ATRN: variants seen among roughly 807,000 people sequenced by gnomAD.
ATRN encodes attractin, also known as attractin-2.
A neutral mutation model predicts 178.7 loss-of-function variants in ATRN; 54 were observed. The ratio of observed to expected loss-of-function variants is 0.30; its 90% CI spans 0.24 to 0.38. The LOEUF (loss-of-function observed/expected upper bound fraction) is 0.38. Ranked by LOEUF, ATRN falls within the 10% of genes least tolerant of loss-of-function variation. The pLI is 1.00. For synonymous variants in ATRN, 636 were observed against 663.0 expected (o/e 0.96, Z 0.63); for missense variants, 1,443 against 1,815.1 (o/e 0.79, Z 3.73).
rs914975082 is a variant in ATRN, at chr20:3,645,586, T to C, written c.4166-1137T>C. Among the ~76,000 whole-genome samples the C allele has an allele frequency of 6.6e-6, 1 of 152,176 alleles. No individual in the cohort carries two copies. The highest frequency in any genetic ancestry group is 2.4e-5 in the African/African-American group (1 of 41,450). The stretch of plus-strand genomic sequence containing the variant: ...TTCCTGCTCCAGCCTTTGCCTGACA[T>C]GCCCCAACCACCTGAAACACCTAAT... On this transcript the variant is annotated intron_variant, in intron 28 of 28. Transcript: ENST00000262919. This position sits in a 1 kb window ranked among gnomAD's most constrained non-coding sequence, Gnocchi z 4.7.
At chr20:3,498,407 G>T (rs1040552321) in intron 1 of ATRN, among the ~76,000 whole-genome samples, 1 of 152,110 alleles carries the variant, frequency 6.6e-6, no homozygotes, top group Non-Finnish European at 1.5e-5. Flanking sequence ...CAATATCCTT[G>T]ATAAACATTG....
intron 23 of ATRN, among the ~76,000 whole-genome samples, chr20:3,601,721 A>T (rs1046730401): frequency 1.4e-5 from 2 of 144,314 alleles, no homozygotes; most frequent in Non-Finnish European, 3.0e-5. Flanking sequence ...AAAAAAACCC[A>T]GGTGTAGTGA....
chr20:3,636,336 A>G (rs1452074034), intron 26 of ATRN, among the ~76,000 whole-genome samples: 2 of 152,210 alleles, frequency 1.3e-5, no homozygotes, highest in African/African-American at 4.8e-5. Context: ...ATTAGAATAT[A>G]TCATGTCAAA....
intron 4 of ATRN, among the ~76,000 whole-genome samples, chr20:3,546,221 A>G (rs1176320589): frequency 6.6e-6 from 1 of 152,204 alleles, no homozygotes; most frequent in Non-Finnish European, 1.5e-5. Flanking sequence ...TTTACAAAGT[A>G]CAGCTCCACA....
At chr20:3,471,987 G>C (rs2084435179) in intron 1 of ATRN, among the ~76,000 whole-genome samples, 1 of 152,168 alleles carries the variant, frequency 6.6e-6, no homozygotes, top group African/African-American at 2.4e-5. Flanking sequence ...GAAATGCTTT[G>C]TTGGCTGGAG....
At chr20:3,471,869 A>T (rs1361767478) in intron 1 of ATRN, among the ~76,000 whole-genome samples, 2 of 152,192 alleles carry the variant, frequency 1.3e-5, no homozygotes, top group African/African-American at 4.8e-5. Context: ...AAGGTGGTCG[A>T]GCCAGGTTTG....
At chr20:3,568,289 CAAA>C (rs753556911) in intron 11 of ATRN, among the ~76,000 whole-genome samples, 3 of 118,476 alleles carry the variant, frequency 2.5e-5, no homozygotes, top group Admixed American at 1.7e-4. Flanking sequence ...GAGACTGTGT[CAAA>C]AAAAAAAAAA....
chr20:3,573,167 G>C (rs973014667), intron 12 of ATRN, among the ~76,000 whole-genome samples: 35 of 152,282 alleles, frequency 2.3e-4, no homozygotes, highest in Non-Finnish European at 4.0e-4. Flanking sequence ...GTCTGCGAGT[G>C]ATAGAGACAT....
intron 1 of ATRN, among the ~76,000 whole-genome samples, chr20:3,500,412 A>G (rs922556256): frequency 1.3e-5 from 2 of 152,092 alleles, no homozygotes; most frequent in African/African-American, 2.4e-5. Context: ...CACTATTCAC[A>G]ATAGCAAAGA....
intron 1 of ATRN, among the ~76,000 whole-genome samples, chr20:3,507,430 C>G (rs1345031162): frequency 6.7e-6 from 1 of 149,776 alleles, no homozygotes; most frequent in African/African-American, 2.5e-5. Context: ...AAATTGGAGT[C>G]AAAAAATGGC....
At chr20:3,545,915 G>C in intron 4 of ATRN, 25 bp downstream of exon 4, 1 of 1,608,404 alleles carries the variant, frequency 6.2e-7, no homozygotes, top group East Asian at 2.2e-5. Context: ...TCTAGTATTT[G>C]TGATTTCATT....
rs1307722255 is a variant in ATRN, at chr20:3,630,964, T to TTTTTTTTTTTTTTTTTTTTG, written c.3864-3347_3864-3346insTTTTTTTTTTTTTTTTTTTG. ...TTTTTTTTTTTTTTTTTTTTTTTTT[T>TTTTTTTTTTTTTTTTTTTTG]GGGATAGGGTCTCTGTTGCCCAGGC... On this transcript the variant is annotated intron_variant, in intron 25 of 28. Transcript: ENST00000262919. Among the ~76,000 whole-genome samples, 3 of 73,430 alleles carry TTTTTTTTTTTTTTTTTTTTG rather than the reference T, an allele frequency of 4.1e-5. 1 individual carries two copies. The highest frequency in any genetic ancestry group is 7.5e-5 in the Non-Finnish European group (3 of 39,838). The allele number at this position is 73,430 out of a possible 152,430, so 48.2% of individuals were successfully genotyped here. A position where few individuals can be genotyped will look rare whatever the true frequency, so the allele number is the denominator to read the frequency against.
chr20:3,629,761 C>G (rs1030814588), intron 25 of ATRN, among the ~76,000 whole-genome samples: 5 of 152,140 alleles, frequency 3.3e-5, no homozygotes, highest in African/African-American at 4.8e-5. Flanking sequence ...GAGCACTATA[C>G]GTAGAATTAC....
At chr20:3,591,415 A>G in intron 19 of ATRN, 109 bp downstream of exon 19, 1 of 1,310,574 alleles carries the variant, frequency 7.6e-7, no homozygotes, top group South Asian at 1.5e-5. Flanking sequence ...TGGATACCAC[A>G]TTTCTTATTA....
intron 4 of ATRN, among the ~76,000 whole-genome samples, chr20:3,546,581 C>T (rs1001350760): frequency 2.0e-5 from 3 of 151,884 alleles, no homozygotes; most frequent in South Asian, 4.2e-4. Context: ...TTAGTAGAGA[C>T]GGGGTTTCAC....
At chr20:3,514,861 G>A (rs1476607769) in intron 1 of ATRN, among the ~76,000 whole-genome samples, 5 of 152,158 alleles carry the variant, frequency 3.3e-5, no homozygotes, top group African/African-American at 1.2e-4. Flanking sequence ...GGAGGCTGAA[G>A]TGGGAGGATC....
chr20:3,520,775 G>A (rs1308121351), intron 1 of ATRN, among the ~76,000 whole-genome samples: 5 of 152,176 alleles, frequency 3.3e-5, no homozygotes, highest in African/African-American at 1.2e-4. Context: ...GCGATTACAG[G>A]CATGAGCCAG....
intron 1 of ATRN, among the ~76,000 whole-genome samples, chr20:3,476,989 C>G (rs2084540847): frequency 6.6e-6 from 1 of 152,214 alleles, no homozygotes; most frequent in Non-Finnish European, 1.5e-5. Flanking sequence ...CCAGTTTAGG[C>G]TGATCTGCTT....
intron 2 of ATRN, among the ~76,000 whole-genome samples, chr20:3,537,667 C>A (rs1043753785): frequency 1.6e-4 from 24 of 150,662 alleles, no homozygotes; most frequent in African/African-American, 2.7e-4. Context: ...CCCACTCCCC[C>A]CACCCCACGA....
Sources: gnomAD v4.1 joint callset for allele counts (sites outside exome capture counted in the v4.1 genomes callset) on GRCh38, gnomAD v4.1.1 for gene constraint, Gnocchi (gnomAD v3.1) non-coding constraint, MANE v1.5 for transcripts, NCBI Gene and HGNC (gene_info 2026-07-23, HGNC 2026-07-21) for gene names.